EYS: variants seen among roughly 807,000 people sequenced by gnomAD.
EYS encodes the protein protein eyes shut homolog.
EYS carries 250 observed loss-of-function variants against 282.1 expected under a neutral mutation model. That is an observed-to-expected ratio of 0.89 (90% confidence interval 0.80 to 0.98). The LOEUF is 0.98. EYS is among the 50% of genes least tolerant of loss of function. The probability of loss-of-function intolerance (pLI) is 0.00; values close to 1 mark genes in which losing one functional copy is unlikely to be tolerated. For synonymous variants in EYS, 1,355 were observed against 1,282.9 expected, an observed-to-expected ratio of 1.06 and a Z score of -1.20; for missense variants, 4,016 against 3,709.0, an observed-to-expected ratio of 1.08 and a Z score of -2.15.
At chr6:65,141,160 C>T (rs182724104) in intron 12 of EYS, among the ~76,000 whole-genome samples, 15 of 151,882 alleles carry the variant, frequency 9.9e-5, no homozygotes, top group Non-Finnish European at 1.6e-4. Context: ...TACTATGCAG[C>T]CACAAAAAAT....
At chr6:65,706,322 A>T (rs2149856397) in intron 1 of EYS, among the ~76,000 whole-genome samples, 1 of 152,102 alleles carries the variant, frequency 6.6e-6, no homozygotes, top group Non-Finnish European at 1.5e-5. Context: ...CTAAGTAATT[A>T]CAAATAGTTC....
At chr6:64,984,760 T>C (rs768784358) in intron 14 of EYS, among the ~76,000 whole-genome samples, 1 of 151,428 alleles carries the variant, frequency 6.6e-6, no homozygotes, top group Non-Finnish European at 1.5e-5. Flanking sequence ...ATCTTCTTAG[T>C]GAACTTATTT....
At chr6:63,807,387 C>T (rs571092334) in intron 36 of EYS, among the ~76,000 whole-genome samples, 2 of 152,300 alleles carry the variant, frequency 1.3e-5, no homozygotes, top group East Asian at 3.9e-4. Context: ...AAGAAATATA[C>T]TCACTCTGGT....
In EYS at chr6:64,813,068, T is replaced by C. The variant is rs1226814536; in HGVS notation, c.3443+310A>G. The stretch of plus-strand genomic sequence containing the variant: ...GTGAAATATTAGCAAATCATTCATT[T>C]GGTATAAAATATTTGAGAAAAAGAA... On this transcript the variant is annotated intron_variant, in intron 22 of 42. Transcript: ENST00000503581. 3.9e-5 allele frequency among the ~76,000 whole-genome samples: 6 copies of C among 151,902 alleles called. No individual in the cohort carries two copies. The South Asian group carries it at 1.2e-3, about 31-fold the overall frequency.
chr6:64,868,297 A>G (rs982135152), intron 19 of EYS, among the ~76,000 whole-genome samples: 1 of 151,488 alleles, frequency 6.6e-6, no homozygotes, highest in African/African-American at 2.4e-5. Context: ...GTAGAATTGG[A>G]TATTTTTTTC....
chr6:65,172,562 T>C, intron 12 of EYS, among the ~76,000 whole-genome samples: 1 of 151,516 alleles, frequency 6.6e-6, no homozygotes, highest in East Asian at 2.0e-4. Context: ...GTAAAACATG[T>C]ACCAAATTTA....
chr6:65,392,231 T>C (rs1766069548), intron 7 of EYS, among the ~76,000 whole-genome samples: 2 of 151,570 alleles, frequency 1.3e-5, no homozygotes, highest in Non-Finnish European at 2.9e-5. Flanking sequence ...GAAGAAAACC[T>C]AGGCATTACC....
rs572836860 is a variant in EYS, at chr6:63,806,350, C to A, written c.7251G>T (p.Arg2417Ser). ...CTDAINITQP[R>S]FSGTDAFGYT... The stretch of plus-strand genomic sequence containing the variant: ...ATCCAAAGGCATCTGTGCCACTGAA[C>A]CTTGGCTGAGTAATATTAATAGCTG... The change falls in exon 37 of 43, where the codon AGG (arginine) becomes AGT (serine). Residue 2417 changes from arginine to serine, a missense_variant. Coordinates refer to ENST00000503581, the MANE Select transcript of EYS (RefSeq NM_001142800.2). 3.9e-6 allele frequency: 6 copies of A among 1,547,978 alleles called. No homozygotes were observed. In the Admixed American group the frequency reaches 9.9e-5, roughly 26 times the overall value.
chr6:64,807,636 G>T (rs745712200), intron 22 of EYS, among the ~76,000 whole-genome samples: 1 of 151,876 alleles, frequency 6.6e-6, no homozygotes, highest in East Asian at 1.9e-4. Flanking sequence ...TCTTCATTAC[G>T]TAATATAAAG....
intron 11 of EYS, among the ~76,000 whole-genome samples, chr6:65,322,790 C>A: frequency 7.7e-6 from 1 of 129,082 alleles, no homozygotes; most frequent in African/African-American, 3.3e-5. Flanking sequence ...AGCAAGAATC[C>A]GTCTCAAAAA....
intron 36 of EYS, among the ~76,000 whole-genome samples, chr6:63,833,296 A>G (rs1048525607): frequency 1.3e-5 from 2 of 152,176 alleles, no homozygotes; most frequent in Non-Finnish European, 2.9e-5. Context: ...TGCAGATGAC[A>G]TGATTGTATA....
chr6:65,247,925 T>A (rs1295680790), intron 12 of EYS, among the ~76,000 whole-genome samples: 2 of 152,058 alleles, frequency 1.3e-5, no homozygotes, highest in African/African-American at 4.8e-5. Context: ...ACTCTCTTTA[T>A]TTTGCTTATT....
intron 31 of EYS, among the ~76,000 whole-genome samples, chr6:64,219,124 G>T (rs529557568): frequency 1.3e-5 from 2 of 152,294 alleles, no homozygotes; most frequent in African/African-American, 4.8e-5. Flanking sequence ...ATTATAATGA[G>T]CACCTGCTAA....
intron 28 of EYS, among the ~76,000 whole-genome samples, chr6:64,422,524 C>T (rs765659221): frequency 6.6e-6 from 1 of 152,114 alleles, no homozygotes; most frequent in Non-Finnish European, 1.5e-5. Context: ...GGCTGGGATG[C>T]CTCAGGGAGG....
At chr6:64,923,154 A>G (rs1768404778) in intron 15 of EYS, among the ~76,000 whole-genome samples, 1 of 151,952 alleles carries the variant, frequency 6.6e-6, no homozygotes, top group Non-Finnish European at 1.5e-5. Context: ...ACACGGGGGA[A>G]AAAAAGGTTT....
At chr6:65,278,370 A>ATAGATTC (rs1768121639) in intron 12 of EYS, among the ~76,000 whole-genome samples, 6 of 42,200 alleles carry the variant, frequency 1.4e-4, no homozygotes, top group South Asian at 1.4e-3. Context: ...AATATATATT[A>ATAGATTC]TATATATTTT....
At chr6:63,843,416 T>G (rs1307132755) in intron 36 of EYS, among the ~76,000 whole-genome samples, 2 of 152,212 alleles carry the variant, frequency 1.3e-5, no homozygotes, top group Non-Finnish European at 2.9e-5. Flanking sequence ...CTATTATTGG[T>G]GTACAGGAAT....
At chr6:65,316,151 T>G (rs1769289810) in intron 11 of EYS, among the ~76,000 whole-genome samples, 1 of 152,192 alleles carries the variant, frequency 6.6e-6, no homozygotes, top group East Asian at 1.9e-4. Context: ...AGTCTTTTGT[T>G]AGTTATGTGT....
At chr6:64,852,616 A>G (rs189921738) in intron 19 of EYS, among the ~76,000 whole-genome samples, 1 of 152,296 alleles carries the variant, frequency 6.6e-6, no homozygotes, top group East Asian at 1.9e-4. Flanking sequence ...TAGATGTAAT[A>G]AAGTTAAGAT....
Sources: gnomAD v4.1 joint callset for allele counts (sites outside exome capture counted in the v4.1 genomes callset) on GRCh38, gnomAD v4.1.1 for gene constraint, MANE v1.5 for transcripts, NCBI Gene and HGNC (gene_info 2026-07-23, HGNC 2026-07-21) for gene names.